Variants in CACNA2D4 observed in about 807,000 individuals in gnomAD.
CACNA2D4 encodes the protein voltage-dependent calcium channel subunit alpha-2/delta-4.
CACNA2D4 carries 157 observed loss-of-function variants against 163.8 expected under a neutral mutation model. The ratio of observed to expected loss-of-function variants is 0.96; its 90% CI spans 0.84 to 1.09. The LOEUF (loss-of-function observed/expected upper bound fraction) is 1.09, where lower values mean the gene tolerates loss of function less well. CACNA2D4 is among the 50% of genes least tolerant of loss of function. The pLI is 0.00. For synonymous variants in CACNA2D4, 598 were observed against 586.9 expected, an observed-to-expected ratio of 1.02 and a Z score of -0.27; for missense variants, 1,410 against 1,479.9, an observed-to-expected ratio of 0.95 and a Z score of 0.78.
At chr12:1,850,123 A>G (rs1403591872) in intron 23 of CACNA2D4, among the ~76,000 whole-genome samples, 1 of 152,232 alleles carries the variant, frequency 6.6e-6, no homozygotes, top group Non-Finnish European at 1.5e-5. Context: ...GTGTAAATGT[A>G]CATGAAATTG....
chr12:1,798,009 C>T lies in CACNA2D4; in HGVS notation c.2996-474G>A, dbSNP rs894862805. On this transcript the variant is annotated intron_variant, in intron 34 of 37. Transcript: ENST00000382722. This position sits in a 1 kb window ranked among gnomAD's most constrained non-coding sequence, Gnocchi z 4.3. ...GCCCTGCTCTCCCGCACAGCCAGGCCCACACTCCACCCATTGAGCCTGAGC... is the reference window on the plus strand; with the variant it reads ...GCCCTGCTCTCCCGCACAGCCAGGCTCACACTCCACCCATTGAGCCTGAGC... 2.6e-5 allele frequency among the ~76,000 whole-genome samples: 4 copies of T among 152,202 alleles called. No homozygotes were observed. The highest frequency in any genetic ancestry group is 9.6e-5 in the African/African-American group (4 of 41,536).
At chr12:1,860,264 A>T in intron 18 of CACNA2D4, 58 bp from the exon 19 acceptor site, 1 of 1,395,122 alleles carries the variant, frequency 7.2e-7, no homozygotes, top group Non-Finnish European at 1.0e-6. Context: ...CCCAGCCCCC[A>T]CCTCGCCCCC....
intron 26 of CACNA2D4, among the ~76,000 whole-genome samples, chr12:1,823,796 T>C (rs968974956): frequency 1.4e-4 from 21 of 152,192 alleles, no homozygotes; most frequent in Non-Finnish European, 2.9e-4. Flanking sequence ...AACAGCTGCC[T>C]TCTCAGCTCC....
At chr12:1,800,161 A>T in intron 32 of CACNA2D4, 109 bp from the exon 33 acceptor site, 2 of 1,156,708 alleles carry the variant, frequency 1.7e-6, no homozygotes, top group Non-Finnish European at 1.3e-6. Context: ...CTCCTCCAGG[A>T]CACCCTCTTC....
At position 1,875,124 on chromosome 12, in the gene CACNA2D4, G is replaced by A. The variant is rs1445618695; in HGVS notation, c.1806+127C>T. The stretch of plus-strand genomic sequence containing the variant: ...TTGCTTGTGGCTTGAGCTTGGAAAG[G>A]CTCTGGGATGAACCTGTTCTGCCTG... On this transcript the variant is annotated intron_variant, in intron 17 of 37. Transcript: ENST00000382722. This position sits in a 1 kb window ranked among gnomAD's most constrained non-coding sequence, Gnocchi z 4.0. 8 of 685,810 alleles carry A rather than the reference G, an allele frequency of 1.2e-5. No homozygotes were observed. The highest frequency in any genetic ancestry group is 2.7e-4 in the Middle Eastern group (1 of 3,742). The allele number at this position is 685,810 out of a possible 1,614,324, so 42.5% of individuals were successfully genotyped here.
intron 6 of CACNA2D4, among the ~76,000 whole-genome samples, chr12:1,887,583 T>G (rs1298898167): frequency 6.6e-6 from 1 of 152,190 alleles, no homozygotes; most frequent in Non-Finnish European, 1.5e-5. Context: ...CAGCAGAGTA[T>G]ATGCTTAATA....
intron 3 of CACNA2D4, among the ~76,000 whole-genome samples, chr12:1,912,028 T>G: frequency 6.6e-6 from 1 of 152,040 alleles, no homozygotes; most frequent in East Asian, 1.9e-4. Context: ...TTATAACAAG[T>G]GGGAAAGAAG....
In CACNA2D4 at chr12:1,799,968, C is replaced by T; in HGVS notation, c.2974+32G>A. 5 of 1,590,098 alleles carry T rather than the reference C, an allele frequency of 3.1e-6. No individual in the cohort carries two copies. Among genetic ancestry groups the T allele is most frequent in the Non-Finnish European group, 4.3e-6 (5 of 1,168,022 alleles). On this transcript the variant is annotated intron_variant, in intron 33 of 37. Transcript: ENST00000382722. The surrounding 1 kb of genome is among the most constrained non-coding windows in gnomAD (Gnocchi z 4.7). ...AGTGGACCAAAATGCCACTGCTCTT[C>T]AGCACATGGCCCTGCAGCTCCGTGC...
chr12:1,886,185 CAAGT>C (rs759488484), intron 8 of CACNA2D4, 34 bp downstream of exon 8: 2 of 1,603,256 alleles, frequency 1.2e-6, no homozygotes, highest in East Asian at 4.5e-5. Context: ...ATTTCTAGAG[CAAGT>C]GAGAGCTATT....
chr12:1,810,442 A>C (rs908591573), intron 28 of CACNA2D4, 101 bp downstream of exon 28: 39 of 1,515,284 alleles, frequency 2.6e-5, no homozygotes, highest in Non-Finnish European at 3.4e-5. Flanking sequence ...GCTTCACTGC[A>C]GGGAAGGAGG....
intron 6 of CACNA2D4, among the ~76,000 whole-genome samples, chr12:1,901,590 G>A (rs1282472804): frequency 6.6e-6 from 1 of 152,006 alleles, no homozygotes; most frequent in East Asian, 1.9e-4. Context: ...GGAAAACCTA[G>A]AAGAAATGAA....
rs973511356 is a variant in CACNA2D4, at chr12:1,870,087, G to C, written c.1878+4517C>G. Among the ~76,000 whole-genome samples, 3 of 152,090 alleles carry C rather than the reference G, an allele frequency of 2.0e-5. No individual in the cohort carries two copies. The East Asian group carries it at 5.8e-4, about 29-fold the overall frequency. On this transcript the variant is annotated intron_variant, in intron 18 of 37. Coordinates refer to ENST00000382722, the MANE Select transcript of CACNA2D4 (RefSeq NM_172364.5). ...GGCCTAGGGCGAATCTCTTGGTCGT[G>C]GGACAGTCTTTACTCCTAAGGTGTA...
In CACNA2D4 at chr12:1,829,020, C is replaced by A. The variant is rs1254663236; in HGVS notation, c.2551+11719G>T. ...TGATCCAGCACCCAACACGGGCAGC[C>A]TGAATTATTCACCATGTGAGAGAGG... On this transcript the variant is annotated intron_variant, in intron 26 of 37. Coordinates refer to ENST00000382722, the MANE Select transcript of CACNA2D4 (RefSeq NM_172364.5). The surrounding 1 kb of genome is among the most constrained non-coding windows in gnomAD (Gnocchi z 4.2). 1.3e-5 allele frequency among the ~76,000 whole-genome samples: 2 copies of A among 152,232 alleles called. No individual in the cohort carries two copies. The highest frequency in any genetic ancestry group is 4.8e-5 in the African/African-American group (2 of 41,456).
intron 6 of CACNA2D4, among the ~76,000 whole-genome samples, chr12:1,902,795 C>T (rs1039238851): frequency 6.6e-6 from 1 of 150,534 alleles, no homozygotes; most frequent in East Asian, 2.0e-4. Context: ...CTACCCAAAG[C>T]AATCTACACA....
intron 6 of CACNA2D4, among the ~76,000 whole-genome samples, chr12:1,887,960 G>T (rs1220685291): frequency 6.6e-6 from 1 of 152,174 alleles, no homozygotes; most frequent in Non-Finnish European, 1.5e-5. Context: ...GCATCTCAAA[G>T]GTAGGAGAGG....
chr12:1,915,173 A>C, intron 1 of CACNA2D4: 1 of 702,760 alleles, frequency 1.4e-6, no homozygotes, highest in Non-Finnish European at 2.6e-6. Context: ...ACATATGCCC[A>C]GAAACACACA....
chr12:1,884,986 C>T lies in CACNA2D4; in HGVS notation c.1158+1G>A. 6.2e-7 allele frequency: 1 copy of T among 1,613,578 alleles called. No individual in the cohort carries two copies. The highest frequency in any genetic ancestry group is 1.3e-5 in the African/African-American group (1 of 75,014). ...CTCCCAGGCCTCATTACAGTGGGCA[C>T]CTGCTTCAGGATCTGGAAGGCTTCT... is the stretch of plus-strand genomic sequence containing the variant. On this transcript the variant is annotated splice_donor_variant, in intron 10 of 37. Coordinates refer to ENST00000382722, the MANE Select transcript of CACNA2D4 (RefSeq NM_172364.5). LOFTEE classifies it high-confidence loss of function.
intron 25 of CACNA2D4, among the ~76,000 whole-genome samples, chr12:1,842,938 T>A (rs1331150137): frequency 6.6e-6 from 1 of 152,104 alleles, no homozygotes; most frequent in African/African-American, 2.4e-5. Flanking sequence ...TTACATTCAG[T>A]GTGGTAACGG....
rs1482171211 is a variant in CACNA2D4, at chr12:1,843,368, C to T, written c.2470+1034G>A. ...GGTTTGGCAAAGTGGTGGTGGAAGG[C>T]CTTTGGCAGAAGGGCGTCCTAAAGG... On this transcript the variant is annotated intron_variant, in intron 25 of 37. Transcript: ENST00000382722. This position sits in a 1 kb window ranked among gnomAD's most constrained non-coding sequence, Gnocchi z 4.6. Among the ~76,000 whole-genome samples the T allele has an allele frequency of 5.9e-5, 9 of 152,158 alleles. No homozygotes were observed. The highest frequency in any genetic ancestry group is 2.9e-5 in the Non-Finnish European group (2 of 68,026).
Sources: gnomAD v4.1 joint callset for allele counts (sites outside exome capture counted in the v4.1 genomes callset) on GRCh38, gnomAD v4.1.1 for gene constraint, Gnocchi (gnomAD v3.1) non-coding constraint, MANE v1.5 for transcripts, NCBI Gene and HGNC (gene_info 2026-07-23, HGNC 2026-07-21) for gene names.